GNG7: variants seen among roughly 807,000 people sequenced by gnomAD.
The protein encoded by GNG7 is G protein subunit gamma 7.
GNG7 carries 1 observed loss-of-function variant against 4.0 expected under a neutral mutation model. The observed-to-expected ratio is 0.25, with a 90% CI of 0.09 to 1.18. GNG7 has a LOEUF of 1.18. Ranked by LOEUF, GNG7 falls within the 50% of genes most tolerant of loss-of-function variation. The pLI, the probability that GNG7 is intolerant of heterozygous loss-of-function variation, is 0.50. For missense variants in GNG7, 86 were observed against 91.9 expected (o/e 0.94, Z 0.26); for synonymous variants, 34 against 36.9 (o/e 0.92, Z 0.29).
At chr19:2,694,100 G>A (rs1281914404) in intron 1 of GNG7, among the ~76,000 whole-genome samples, 1 of 151,980 alleles carries the variant, frequency 6.6e-6, no homozygotes. Flanking sequence ...CTCTCTCTGG[G>A]GTTGGGCTAC....
chr19:2,515,009 T>A lies in GNG7; in HGVS notation c.*13A>T. On this transcript the variant is annotated 3_prime_UTR_variant, in exon 5 of 5. Transcript: ENST00000382159. ...GAAAGAGAGAGAGAGAGAGAGAACA[T>A]ATGAGAACACAGTTATAAAATAATA... 1 of 1,600,908 alleles carries A rather than the reference T, an allele frequency of 6.2e-7. No individual in the cohort carries two copies. Among genetic ancestry groups the A allele is most frequent in the African/African-American group, 1.3e-5 (1 of 74,684 alleles).
chr19:2,567,150 A>G (rs1411946567), intron 2 of GNG7, among the ~76,000 whole-genome samples: 23 of 141,332 alleles, frequency 1.6e-4, no homozygotes, highest in Admixed American at 3.5e-4. Flanking sequence ...AAACAAAAAA[A>G]AAAACACAAA....
chr19:2,599,671 T>TCA (rs1298799431), intron 2 of GNG7, among the ~76,000 whole-genome samples: 1 of 152,164 alleles, frequency 6.6e-6, no homozygotes, highest in East Asian at 1.9e-4. Flanking sequence ...GCGCGGTGGC[T>TCA]CACGCCTGTA....
Position 2,603,434 on chromosome 19 carries a change from G to A in GNG7, c.-78+42790C>T, listed in dbSNP as rs918818509. ...GATGCCAGAATGAGGGGGAACCCCC[G>A]GAGCTTCTCGCATCGGGTGGGACCG... On this transcript the variant is annotated intron_variant, in intron 2 of 4. Transcript: ENST00000382159. 1.2e-4 allele frequency among the ~76,000 whole-genome samples: 19 copies of A among 152,364 alleles called. No homozygotes were observed. The East Asian group carries it at 1.9e-3, about 15-fold the overall frequency.
intron 3 of GNG7, among the ~76,000 whole-genome samples, chr19:2,534,379 C>T (rs1189465406): frequency 6.6e-6 from 1 of 152,178 alleles, no homozygotes. Flanking sequence ...TCTGTTCCTC[C>T]CCTACTCAGA....
intron 2 of GNG7, among the ~76,000 whole-genome samples, chr19:2,638,685 G>T (rs1342407309): frequency 6.7e-6 from 1 of 149,772 alleles, no homozygotes; most frequent in Non-Finnish European, 1.5e-5. Context: ...CTCATGCCAG[G>T]AGCACCCCCC....
intron 2 of GNG7, among the ~76,000 whole-genome samples, chr19:2,639,047 G>T (rs1331426013): frequency 6.6e-6 from 1 of 151,972 alleles, no homozygotes; most frequent in African/African-American, 2.4e-5. Flanking sequence ...CACCAGCCTG[G>T]CCAACATGGT....
Position 2,634,899 on chromosome 19 carries a change from A to AT in GNG7, c.-78+11324_-78+11325insA, listed in dbSNP as rs1982266557. On this transcript the variant is annotated intron_variant, in intron 2 of 4. Coordinates refer to ENST00000382159, the MANE Select transcript of GNG7 (RefSeq NM_052847.3). This position sits in a 1 kb window ranked among gnomAD's most constrained non-coding sequence, Gnocchi z 5.3. ...GCAGAAATGTTACCAAAAAAAAAAAACCCTCGCCGGGAGAACAAGGAGCTA... is the reference window on the plus strand; with the variant it reads ...GCAGAAATGTTACCAAAAAAAAAAAATCCCTCGCCGGGAGAACAAGGAGCTA... Among the ~76,000 whole-genome samples the AT allele has an allele frequency of 6.6e-6, 1 of 151,546 alleles. No homozygotes were observed.
intron 2 of GNG7, among the ~76,000 whole-genome samples, chr19:2,596,616 C>A (rs1981028145): frequency 6.6e-6 from 1 of 151,812 alleles, no homozygotes; most frequent in Non-Finnish European, 1.5e-5. Flanking sequence ...CTGTAGTGAG[C>A]CATGATTATG....
rs1983103410 is a variant in GNG7, at chr19:2,659,889, C to T, written c.-134-13609G>A. On this transcript the variant is annotated intron_variant, in intron 1 of 4. Coordinates refer to ENST00000382159, the MANE Select transcript of GNG7 (RefSeq NM_052847.3). ...CCTTCCACAAGCTTCCTGAATAAGC[C>T]CCAGAGAGAAGACTGGTCAGTCTTG... Among the ~76,000 whole-genome samples, 3 of 152,000 alleles carry T rather than the reference C, an allele frequency of 2.0e-5. No homozygotes were observed. The South Asian group carries it at 6.2e-4, about 32-fold the overall frequency.
At chr19:2,525,807 T>TCTAAGC (rs1978373159) in intron 3 of GNG7, among the ~76,000 whole-genome samples, 2 of 151,664 alleles carry the variant, frequency 1.3e-5, no homozygotes, top group African/African-American at 4.8e-5. Context: ...TGAAAGCAAG[T>TCTAAGC]GCTCTGCCTC....
chr19:2,543,715 C>T (rs540486285), intron 3 of GNG7, among the ~76,000 whole-genome samples: 1 of 152,188 alleles, frequency 6.6e-6, no homozygotes, highest in Non-Finnish European at 1.5e-5. Flanking sequence ...CAGCTCAGAG[C>T]GGGCTCTGGC....
At chr19:2,568,727 GACACATAT>G (rs1473501223) in intron 2 of GNG7, among the ~76,000 whole-genome samples, 3 of 148,708 alleles carry the variant, frequency 2.0e-5, no homozygotes, top group Admixed American at 6.7e-5. Context: ...TACACATACA[GACACATAT>G]ACATACATAC....
chr19:2,525,100 G>A (rs1471851685), intron 3 of GNG7, among the ~76,000 whole-genome samples: 1 of 152,208 alleles, frequency 6.6e-6, no homozygotes, highest in Non-Finnish European at 1.5e-5. Context: ...GCCACGCACT[G>A]AGTCAGCCAG....
chr19:2,538,102 A>AAACAAAAC (rs1555691788), intron 3 of GNG7: 10 of 455,468 alleles, frequency 2.2e-5, no homozygotes, highest in Non-Finnish European at 3.5e-5. Flanking sequence ...AAACAAAACA[A>AAACAAAAC]AACAACAATG....
At chr19:2,660,276 G>C (rs1433338502) in intron 1 of GNG7, among the ~76,000 whole-genome samples, 1 of 152,246 alleles carries the variant, frequency 6.6e-6, no homozygotes, top group South Asian at 2.1e-4. Context: ...ACAAGGCTCT[G>C]TGTAATTCTC....
intron 2 of GNG7, among the ~76,000 whole-genome samples, chr19:2,556,992 G>A (rs1979565528): frequency 6.6e-6 from 1 of 151,754 alleles, no homozygotes; most frequent in African/African-American, 2.4e-5. Context: ...ATCCAGGGGG[G>A]CTGCCTCCCC....
At chr19:2,518,842 T>C (rs1419641761) in intron 4 of GNG7, among the ~76,000 whole-genome samples, 1 of 151,930 alleles carries the variant, frequency 6.6e-6, no homozygotes, top group Admixed American at 6.6e-5. Context: ...TCGCTTGGGG[T>C]TGGAGGGCAG....
chr19:2,616,742 C>G (rs1331361226), intron 2 of GNG7, among the ~76,000 whole-genome samples: 3 of 151,876 alleles, frequency 2.0e-5, no homozygotes. Context: ...ATCACGCCAT[C>G]GCACTCCAGC....
Sources: allele counts gnomAD v4.1 joint callset (sites outside exome capture counted in the v4.1 genomes callset), GRCh38; gene constraint gnomAD v4.1.1; non-coding constraint Gnocchi (gnomAD v3.1); transcripts MANE v1.5; gene names NCBI Gene and HGNC (gene_info 2026-07-23, HGNC 2026-07-21).